The following SLC37A3 variants were observed in gnomAD, a reference collection of about 807,000 sequenced individuals.
The protein encoded by SLC37A3 is sugar phosphate exchanger 3.
In SLC37A3, 51 loss-of-function variants were observed where a neutral mutation model predicts 67.1. That is an observed-to-expected ratio of 0.76 (90% CI 0.61 to 0.96). SLC37A3 has a LOEUF of 0.96. SLC37A3 is among the 40% of genes least tolerant of loss of function. The probability of loss-of-function intolerance (pLI) is 0.00; values close to 1 mark genes in which losing one functional copy is unlikely to be tolerated. For synonymous variants in SLC37A3, 214 were observed against 231.4 expected, an observed-to-expected ratio of 0.92 and a Z score of 0.68; for missense variants, 508 against 603.0, an observed-to-expected ratio of 0.84 and a Z score of 1.65.
intron 3 of SLC37A3, among the ~76,000 whole-genome samples, chr7:140,375,474 C>CAA (rs11292852): frequency 7.1e-5 from 10 of 139,884 alleles, no homozygotes; most frequent in African/African-American, 1.8e-4. Context: ...GACTCCGTCT[C>CAA]AAAAAAAAAA....
chr7:140,393,332 A>ATGT (rs1376266618), intron 1 of SLC37A3, among the ~76,000 whole-genome samples: 1 of 152,196 alleles, frequency 6.6e-6, no homozygotes. Flanking sequence ...AGAGCTGAAC[A>ATGT]CGTGCGCCGT....
At chr7:140,353,222 C>T (rs1026841695) in intron 7 of SLC37A3, among the ~76,000 whole-genome samples, 7 of 152,138 alleles carry the variant, frequency 4.6e-5, no homozygotes, top group Non-Finnish European at 5.9e-5. Flanking sequence ...GTGGCTCATA[C>T]CTATAATCCC....
chr7:140,391,170 A>C (rs1343668660), intron 1 of SLC37A3, among the ~76,000 whole-genome samples: 2 of 120,672 alleles, frequency 1.7e-5, no homozygotes, highest in Non-Finnish European at 3.4e-5. Flanking sequence ...CTCTGGTATC[A>C]TACCTTTATG....
intron 4 of SLC37A3, 119 bp from the exon 5 acceptor site, chr7:140,364,610 A>G (rs1231313939): frequency 1.1e-6 from 1 of 889,476 alleles, no homozygotes; most frequent in African/African-American, 1.7e-5. Context: ...TCTTATACAC[A>G]TGCCGAGGCT....
At chr7:140,348,974 T>C (rs1018601695) in intron 9 of SLC37A3, among the ~76,000 whole-genome samples, 4 of 152,228 alleles carry the variant, frequency 2.6e-5, no homozygotes, top group East Asian at 3.9e-4. Flanking sequence ...TAGACAGGCA[T>C]GTACAGCAGG....
chr7:140,362,671 G>A (rs1389957526), intron 5 of SLC37A3, among the ~76,000 whole-genome samples: 1 of 44,730 alleles, frequency 2.2e-5, no homozygotes, highest in African/African-American at 8.3e-5. Context: ...CCGGGAGGGA[G>A]GTGGGGGGGG....
intron 5 of SLC37A3, among the ~76,000 whole-genome samples, chr7:140,362,546 G>A (rs1166700660): frequency 7.4e-5 from 10 of 135,318 alleles, no homozygotes; most frequent in Non-Finnish European, 1.3e-4. Flanking sequence ...CCGGGAGGGA[G>A]GTGGGGGGTC....
At chr7:140,394,784 T>C (rs1433519146) in intron 1 of SLC37A3, among the ~76,000 whole-genome samples, 1 of 151,324 alleles carries the variant, frequency 6.6e-6, no homozygotes, top group Non-Finnish European at 1.5e-5. Context: ...AATTTTTGTA[T>C]TTTTAGTAGA....
chr7:140,345,544 G>A (rs573433430), intron 11 of SLC37A3, among the ~76,000 whole-genome samples: 1 of 152,076 alleles, frequency 6.6e-6, no homozygotes, highest in Non-Finnish European at 1.5e-5. Context: ...CCATCTTTCC[G>A]CTTTTGAAAC....
At chr7:140,368,696 G>T (rs1401904304) in intron 4 of SLC37A3, among the ~76,000 whole-genome samples, 1 of 152,082 alleles carries the variant, frequency 6.6e-6, no homozygotes, top group Non-Finnish European at 1.5e-5. Context: ...CATCATCTGG[G>T]CAGCAGAGGT....
intron 5 of SLC37A3, among the ~76,000 whole-genome samples, chr7:140,361,913 C>A (rs1254847471): frequency 5.5e-5 from 8 of 146,152 alleles, no homozygotes; most frequent in Admixed American, 5.4e-4. Context: ...CCTCCACCTC[C>A]CAGCTGCCTG....
At chr7:140,361,006 C>T (rs903689304) in intron 5 of SLC37A3, among the ~76,000 whole-genome samples, 23 of 152,012 alleles carry the variant, frequency 1.5e-4, no homozygotes, top group African/African-American at 4.6e-4. Flanking sequence ...CCAAGCTAAG[C>T]GGCAGACTGT....
At chr7:140,355,786 G>A (rs568153924) in intron 6 of SLC37A3, 22 bp from the exon 7 acceptor site, 5 of 1,600,590 alleles carry the variant, frequency 3.1e-6, no homozygotes, top group Admixed American at 3.3e-5. Context: ...AACAGTGGGA[G>A]ACAAAGGGCC....
chr7:140,374,340 A>G (rs1797937619), intron 3 of SLC37A3, among the ~76,000 whole-genome samples: 1 of 152,068 alleles, frequency 6.6e-6, no homozygotes, highest in Admixed American at 6.6e-5. Flanking sequence ...CTACCAAAAA[A>G]TACAAAAACT....
intron 1 of SLC37A3, among the ~76,000 whole-genome samples, chr7:140,391,854 C>G (rs1209265482): frequency 6.6e-6 from 1 of 152,198 alleles, no homozygotes; most frequent in East Asian, 1.9e-4. Context: ...AAGCCCTCTT[C>G]AGCACACAGC....
chr7:140,335,448 G>A lies in SLC37A3; in HGVS notation c.1449C>T (p.Leu483=), dbSNP rs151155156. The part of the protein sequence containing the change: ...SPLIVREIFS[L]VLRRQAHILR... ...ATATGTGAGCCTGTCTCCTTAGCAC[G>A]AGAGAGAATATTTCCCTCACTATTA... The change falls in exon 15 of 15, where the codon CTC becomes CTT. Residue 483 remains leucine (L), a synonymous_variant. Transcript: ENST00000326232. 14 of 1,614,020 alleles carry A rather than the reference G, an allele frequency of 8.7e-6. No individual in the cohort carries two copies. Among genetic ancestry groups the A allele is most frequent in the Middle Eastern group, 1.6e-4 (1 of 6,084 alleles).
At chr7:140,359,694 C>T (rs1797187031) in intron 5 of SLC37A3, among the ~76,000 whole-genome samples, 1 of 152,186 alleles carries the variant, frequency 6.6e-6, no homozygotes, top group African/African-American at 2.4e-5. Context: ...TGAGAATACT[C>T]TGCATGATTA....
intron 5 of SLC37A3, among the ~76,000 whole-genome samples, chr7:140,359,862 A>T (rs1465989866): frequency 1.3e-5 from 2 of 152,214 alleles, no homozygotes; most frequent in Admixed American, 6.5e-5. Context: ...CAATATGCTT[A>T]AAAAGGGCAA....
At chr7:140,389,944 G>A (rs1195592738) in intron 1 of SLC37A3, among the ~76,000 whole-genome samples, 5 of 151,926 alleles carry the variant, frequency 3.3e-5, no homozygotes, top group Non-Finnish European at 5.9e-5. Flanking sequence ...TTAAAATTTC[G>A]CCAGATGGGG....
Sources: allele counts gnomAD v4.1 joint callset (sites outside exome capture counted in the v4.1 genomes callset), GRCh38; gene constraint gnomAD v4.1.1; transcripts MANE v1.5; gene names NCBI Gene and HGNC (gene_info 2026-07-23, HGNC 2026-07-21).